Variants in CNNM2 observed in about 807,000 individuals in gnomAD.
The protein encoded by CNNM2 is cyclin and CBS domain divalent metal cation transport mediator 2.
In CNNM2, 12 loss-of-function variants were observed where a neutral mutation model predicts 66.9. The observed-to-expected ratio is 0.18, with a 90% CI of 0.11 to 0.29. The LOEUF is 0.29. Ranked by LOEUF, CNNM2 falls within the 10% of genes least tolerant of loss-of-function variation. The pLI is 1.00. For missense variants in CNNM2, 705 were observed against 1,167.7 expected (o/e 0.60, Z 5.77); for synonymous variants, 557 against 501.8 (o/e 1.11, Z -1.47).
intron 1 of CNNM2, among the ~76,000 whole-genome samples, chr10:102,924,053 T>C (rs982400466): frequency 1.3e-5 from 2 of 152,236 alleles, no homozygotes; most frequent in Non-Finnish European, 2.9e-5. Flanking sequence ...AACCTTTCTC[T>C]TTTTTTGTGT....
intron 1 of CNNM2, among the ~76,000 whole-genome samples, chr10:102,930,930 C>A (rs1448898097): frequency 1.3e-5 from 2 of 152,138 alleles, no homozygotes; most frequent in African/African-American, 2.4e-5. Context: ...TGTTGTTTAT[C>A]CACTCATCAG....
intron 1 of CNNM2, among the ~76,000 whole-genome samples, chr10:103,022,377 C>T (rs1372863161): frequency 2.0e-5 from 3 of 152,188 alleles, no homozygotes; most frequent in African/African-American, 7.2e-5. Flanking sequence ...TAAACTCTTT[C>T]TTCTTCATCC....
chr10:103,017,138 TG>T (rs2064468874), intron 1 of CNNM2, among the ~76,000 whole-genome samples: 1 of 152,272 alleles, frequency 6.6e-6, no homozygotes, highest in East Asian at 1.9e-4. Context: ...GGTAAGAACG[TG>T]GATGTTTGTT....
chr10:103,041,194 C>T (rs987206816), intron 1 of CNNM2, among the ~76,000 whole-genome samples: 3 of 152,176 alleles, frequency 2.0e-5, no homozygotes, highest in African/African-American at 4.8e-5. Flanking sequence ...TCTTCCGCCT[C>T]ACCCACCCCT....
At position 103,090,177 on chromosome 10, in the gene CNNM2, A is replaced by C; in HGVS notation, c.*12997A>C. 1 of 406,094 alleles carries C rather than the reference A, an allele frequency of 2.5e-6. No individual in the cohort carries two copies. The highest frequency in any genetic ancestry group is 4.4e-6 in the Non-Finnish European group (1 of 228,726). 25.2% of individuals were successfully genotyped at this position (406,094 alleles called of 1,614,324 possible). On this transcript the variant is annotated 3_prime_UTR_variant, in exon 8 of 8. Transcript: ENST00000369878. Reference sequence around the variant, plus strand: ...GTTTACTTTCTATTTTACAGCAAAAACAAGATAGTCCTGAAACAGATCAGA... The same window carrying C: ...GTTTACTTTCTATTTTACAGCAAAACCAAGATAGTCCTGAAACAGATCAGA...
chr10:102,921,373 T>C (rs1845629410), intron 1 of CNNM2, among the ~76,000 whole-genome samples: 2 of 152,232 alleles, frequency 1.3e-5, no homozygotes, highest in Admixed American at 1.3e-4. Context: ...TCACTGGATG[T>C]GATGATCTGA....
intron 1 of CNNM2, among the ~76,000 whole-genome samples, chr10:102,929,140 G>A (rs561417049): frequency 6.6e-6 from 1 of 152,188 alleles, no homozygotes; most frequent in African/African-American, 2.4e-5. Context: ...TGTGCCTGTA[G>A]TCCCAGCTAC....
At chr10:102,922,884 A>G (rs1413129096) in intron 1 of CNNM2, among the ~76,000 whole-genome samples, 6 of 150,868 alleles carry the variant, frequency 4.0e-5, no homozygotes, top group Non-Finnish European at 5.9e-5. Context: ...GGAGATTGCA[A>G]TGAGCTGAGA....
chr10:102,942,475 T>C (rs911077289), intron 1 of CNNM2, among the ~76,000 whole-genome samples: 3 of 152,250 alleles, frequency 2.0e-5, no homozygotes, highest in Non-Finnish European at 4.4e-5. Context: ...GGTTCATCCA[T>C]GTTGTAGCAT....
intron 4 of CNNM2, among the ~76,000 whole-genome samples, chr10:103,058,331 A>G (rs2065328016): frequency 6.6e-6 from 1 of 152,198 alleles, no homozygotes; most frequent in African/African-American, 2.4e-5. Context: ...CATGTTTCTC[A>G]TAAGAGTGAG....
chr10:102,982,237 G>A (rs2063730805), intron 1 of CNNM2, among the ~76,000 whole-genome samples: 1 of 152,098 alleles, frequency 6.6e-6, no homozygotes, highest in Admixed American at 6.5e-5. Flanking sequence ...CTTGGTTATT[G>A]TTATTTCATA....
At chr10:102,944,581 C>CGTGTGTGTGTGTGTGT (rs148795286) in intron 1 of CNNM2, among the ~76,000 whole-genome samples, 6 of 143,380 alleles carry the variant, frequency 4.2e-5, no homozygotes, top group Non-Finnish European at 6.0e-5. Context: ...TGTATCTTTT[C>CGTGTGTGTGTGTGTGT]GTGTGTGTGT....
chr10:103,005,713 C>A (rs1052431216), intron 1 of CNNM2, among the ~76,000 whole-genome samples: 2 of 152,142 alleles, frequency 1.3e-5, no homozygotes, highest in Admixed American at 1.3e-4. Context: ...AATTCACTTA[C>A]CATTTTTCAT....
At chr10:102,945,721 C>G (rs370603919) in intron 1 of CNNM2, among the ~76,000 whole-genome samples, 15 of 152,276 alleles carry the variant, frequency 9.9e-5, no homozygotes, top group African/African-American at 3.1e-4. Flanking sequence ...TCAGAGGAGG[C>G]CTTTACCTAC....
intron 1 of CNNM2, among the ~76,000 whole-genome samples, chr10:103,033,334 G>A (rs1429101306): frequency 6.6e-6 from 1 of 151,736 alleles, no homozygotes; most frequent in East Asian, 1.9e-4. Context: ...GACTACAGGC[G>A]CCCACCACCA....
chr10:103,074,860 T>G (rs2065661920), intron 6 of CNNM2, among the ~76,000 whole-genome samples: 1 of 152,114 alleles, frequency 6.6e-6, no homozygotes, highest in South Asian at 2.1e-4. Context: ...TAGGAGAAAG[T>G]GAACTCATCA....
chr10:103,054,537 G>T lies in CNNM2; in HGVS notation c.1903+71G>T. On this transcript the variant is annotated intron_variant, in intron 3 of 7. Transcript: ENST00000369878. The surrounding 1 kb of genome is among the most constrained non-coding windows in gnomAD (Gnocchi z 5.2). ...CGTGTTTCTCACCCACCACTGACTG[G>T]GGTGGGTTGGGGGTGGACACTGGGA... 4.0e-6 allele frequency: 6 copies of T among 1,500,008 alleles called. No homozygotes were observed. The highest frequency in any genetic ancestry group is 5.5e-6 in the Non-Finnish European group (6 of 1,092,162). The allele number at this position is 1,500,008 out of a possible 1,614,324, so 92.9% of individuals were successfully genotyped here. A position where few individuals can be genotyped will look rare whatever the true frequency, so the allele number is the denominator to read the frequency against.
At chr10:103,038,150 G>C (rs1269093209) in intron 1 of CNNM2, among the ~76,000 whole-genome samples, 1 of 152,088 alleles carries the variant, frequency 6.6e-6, no homozygotes, top group Non-Finnish European at 1.5e-5. Flanking sequence ...CTACAGTCTT[G>C]TGTATTTCAG....
At position 103,041,686 on chromosome 10, in the gene CNNM2, C is replaced by T. The variant is rs575558307; in HGVS notation, c.1622-8021C>T. On this transcript the variant is annotated intron_variant, in intron 1 of 7. Coordinates refer to ENST00000369878, the MANE Select transcript of CNNM2 (RefSeq NM_017649.5). ...ATCTTCTGTCGCCAAAATCACCTTT[C>T]GTGACCTTTCGGCTGCATTTGATAC... is the stretch of plus-strand genomic sequence containing the variant. 1.4e-3 allele frequency among the ~76,000 whole-genome samples: 215 copies of T among 152,354 alleles called. 2 individuals carry two copies. The highest frequency in any genetic ancestry group is 4.0e-4 in the Non-Finnish European group (27 of 68,030).
Sources: allele counts gnomAD v4.1 joint callset (sites outside exome capture counted in the v4.1 genomes callset), GRCh38; gene constraint gnomAD v4.1.1; non-coding constraint Gnocchi (gnomAD v3.1); transcripts MANE v1.5; gene names NCBI Gene and HGNC (gene_info 2026-07-23, HGNC 2026-07-21).